Variants in ATRNL1 observed in about 807,000 individuals in gnomAD.
The protein encoded by ATRNL1 is attractin-like protein 1.
A neutral mutation model predicts 182.7 loss-of-function variants in ATRNL1; 95 were observed. That is an observed-to-expected ratio of 0.52 (90% CI 0.44 to 0.62). ATRNL1 has a LOEUF of 0.62. ATRNL1 is among the 20% of genes least tolerant of loss of function. ATRNL1 has a pLI of 0.00. For synonymous variants in ATRNL1, 576 were observed against 568.3 expected (o/e 1.01, Z -0.19); for missense variants, 1,471 against 1,679.5 (o/e 0.88, Z 2.17).
intron 28 of ATRNL1, among the ~76,000 whole-genome samples, chr10:115,894,053 A>T (rs1952145459): frequency 6.6e-6 from 1 of 152,204 alleles, no homozygotes; most frequent in South Asian, 2.1e-4. Context: ...GTAAGACTTC[A>T]GTTGGCAAGG....
intron 19 of ATRNL1, among the ~76,000 whole-genome samples, chr10:115,368,685 T>A (rs35954673): frequency 0.29 from 43,377 of 151,928 alleles, 7,980 homozygotes; most frequent in Middle Eastern, 0.41. Flanking sequence ...TAAACATCAT[T>A]CTAACTCTCT....
chr10:115,480,207 A>AACAC (rs72119794), intron 24 of ATRNL1, among the ~76,000 whole-genome samples: 26,672 of 146,608 alleles, frequency 0.18, 2,838 homozygotes, highest in South Asian at 0.25. Context: ...GAGTCATTTG[A>AACAC]ACACACACAC....
At chr10:115,701,072 A>G (rs1452162193) in intron 26 of ATRNL1, among the ~76,000 whole-genome samples, 1 of 152,068 alleles carries the variant, frequency 6.6e-6, no homozygotes, top group Non-Finnish European at 1.5e-5. Flanking sequence ...ACAAGTCTCA[A>G]TAAATTTTTG....
At chr10:115,453,764 A>G (rs2134496472) in intron 21 of ATRNL1, among the ~76,000 whole-genome samples, 1 of 126,048 alleles carries the variant, frequency 7.9e-6, no homozygotes, top group African/African-American at 3.0e-5. Flanking sequence ...ACATGGACAC[A>G]GGAAGGGGAA....
Position 115,601,004 on chromosome 10 carries a change from G to A in ATRNL1, c.3795+51468G>A, listed in dbSNP as rs2769384. Among the ~76,000 whole-genome samples the A allele has an allele frequency of 2.1e-3, 314 of 146,140 alleles. 1 individual carries two copies. Among genetic ancestry groups the A allele is most frequent in the Non-Finnish European group, 3.0e-3 (200 of 66,954 alleles). ...CATTGTCGAAAACATTATCCTTTCCGCATTGCATTTCTTACAATCTGCTCT... is the reference window on the plus strand; with the variant it reads ...CATTGTCGAAAACATTATCCTTTCCACATTGCATTTCTTACAATCTGCTCT... On this transcript the variant is annotated intron_variant, in intron 26 of 28. Coordinates refer to ENST00000355044, the MANE Select transcript of ATRNL1 (RefSeq NM_207303.4).
chr10:115,601,217 C>G (rs1856578430), intron 26 of ATRNL1, among the ~76,000 whole-genome samples: 1 of 151,874 alleles, frequency 6.6e-6, no homozygotes, highest in African/African-American at 2.4e-5. Flanking sequence ...CTAATTAGTT[C>G]TGTATTAGAC....
intron 18 of ATRNL1, among the ~76,000 whole-genome samples, chr10:115,315,969 AG>A (rs1411385233): frequency 6.6e-6 from 1 of 152,186 alleles, no homozygotes; most frequent in African/African-American, 2.4e-5. Flanking sequence ...TATCATGATT[AG>A]CTTTCATTTC....
At chr10:115,386,827 A>G (rs703352) in intron 19 of ATRNL1, among the ~76,000 whole-genome samples, 72,869 of 99,434 alleles carry the variant, frequency 0.73, 26,332 homozygotes, top group Middle Eastern at 0.79. Flanking sequence ...CCCCCACCCC[A>G]CAACAGTCCC....
chr10:115,898,168 G>T (rs1376480993), intron 28 of ATRNL1, among the ~76,000 whole-genome samples: 1 of 152,034 alleles, frequency 6.6e-6, no homozygotes, highest in Non-Finnish European at 1.5e-5. Context: ...CTCATGATCT[G>T]CCCACCTTGG....
rs578173634 is a variant in ATRNL1, at chr10:115,272,754, C to G, written c.2100+4310C>G. On this transcript the variant is annotated intron_variant, in intron 13 of 28. Transcript: ENST00000355044. ...TATTACTACGTAGCTGGCACTGTAACTGAATCATCAAAAGCCCATTCCACT... is the reference window on the plus strand; with the variant it reads ...TATTACTACGTAGCTGGCACTGTAAGTGAATCATCAAAAGCCCATTCCACT... Among the ~76,000 whole-genome samples, 105 of 152,252 alleles carry G rather than the reference C, an allele frequency of 6.9e-4. 2 individuals carry two copies. The South Asian group carries it at 0.021, about 31-fold the overall frequency.
chr10:115,914,720 T>C (rs10787611), intron 28 of ATRNL1, among the ~76,000 whole-genome samples: 103,012 of 152,106 alleles, frequency 0.68, 38,121 homozygotes, highest in East Asian at 0.92. Context: ...TTCCATTTTA[T>C]GTTTCTTTTC....
intron 28 of ATRNL1, among the ~76,000 whole-genome samples, chr10:115,910,682 C>A (rs1385087291): frequency 6.6e-6 from 1 of 152,172 alleles, no homozygotes; most frequent in Admixed American, 6.5e-5. Context: ...ACATTTCACT[C>A]ACTGGGCTGG....
intron 28 of ATRNL1, among the ~76,000 whole-genome samples, chr10:115,887,511 A>G (rs2615888): frequency 0.97 from 147,490 of 152,150 alleles, 71,643 homozygotes; most frequent in East Asian, 1. Context: ...GCACTGGTCC[A>G]TTCATGAGGG....
intron 1 of ATRNL1, among the ~76,000 whole-genome samples, chr10:115,112,599 G>A (rs1192753190): frequency 6.6e-6 from 1 of 152,168 alleles, no homozygotes; most frequent in African/African-American, 2.4e-5. Context: ...TTATGGTGAA[G>A]CTTGGGTGGA....
chr10:115,925,266 C>T (rs1251186157), intron 28 of ATRNL1, among the ~76,000 whole-genome samples: 2 of 151,918 alleles, frequency 1.3e-5, no homozygotes, highest in African/African-American at 2.4e-5. Context: ...TTGCCCTGGC[C>T]AGAACTTCCA....
intron 27 of ATRNL1, among the ~76,000 whole-genome samples, chr10:115,757,501 G>T (rs1186230638): frequency 1.3e-5 from 2 of 152,142 alleles, no homozygotes; most frequent in African/African-American, 4.8e-5. Context: ...CTCTCTTCTG[G>T]CTTGTAGGGT....
chr10:115,606,072 C>G, intron 26 of ATRNL1, among the ~76,000 whole-genome samples: 1 of 151,846 alleles, frequency 6.6e-6, no homozygotes, highest in African/African-American at 2.4e-5. Context: ...TATCAAAAGC[C>G]TAAGATTCAT....
intron 26 of ATRNL1, among the ~76,000 whole-genome samples, chr10:115,588,588 G>A (rs1555011055): frequency 6.6e-6 from 1 of 152,198 alleles, no homozygotes; most frequent in African/African-American, 2.4e-5. Flanking sequence ...TTTATGTGTG[G>A]TCTAAGCCCT....
intron 14 of ATRNL1, 68 bp from the exon 15 acceptor site, chr10:115,286,148 T>C: frequency 1.4e-6 from 1 of 735,024 alleles, no homozygotes; most frequent in Non-Finnish European, 2.3e-6. Context: ...AGAAGTACTT[T>C]GAAATAATTG....
Sources: gnomAD v4.1 joint callset for allele counts (sites outside exome capture counted in the v4.1 genomes callset) on GRCh38, gnomAD v4.1.1 for gene constraint, MANE v1.5 for transcripts, NCBI Gene and HGNC (gene_info 2026-07-23, HGNC 2026-07-21) for gene names.